SRRM4: variants seen among roughly 807,000 people sequenced by gnomAD.
SRRM4 encodes serine/arginine repetitive matrix 4, also known as serine/arginine repetitive matrix protein 4.
In SRRM4, 33 loss-of-function variants were observed where a neutral mutation model predicts 68.9. The ratio of observed to expected loss-of-function variants is 0.48; its 90% CI spans 0.36 to 0.64. The LOEUF (loss-of-function observed/expected upper bound fraction) is 0.64, where lower values mean the gene tolerates loss of function less well. Among genes scored for constraint, SRRM4 ranks in the 30% least tolerant of loss-of-function variants. The pLI, the probability that SRRM4 is intolerant of heterozygous loss-of-function variation, is 0.00. For synonymous variants in SRRM4, 318 were observed against 318.8 expected (o/e 1.00, Z 0.03); for missense variants, 817 against 827.1 (o/e 0.99, Z 0.15).
At chr12:119,149,061 C>A (rs572566371) in intron 9 of SRRM4, among the ~76,000 whole-genome samples, 34 of 152,266 alleles carry the variant, frequency 2.2e-4, no homozygotes, top group Admixed American at 2.0e-4. Flanking sequence ...GTAATAATAG[C>A]ATTGGCAGCT....
chr12:119,019,023 C>T (rs542579360), intron 1 of SRRM4, among the ~76,000 whole-genome samples: 8 of 152,250 alleles, frequency 5.3e-5, no homozygotes, highest in Non-Finnish European at 8.8e-5. Context: ...AGGGAACTTT[C>T]CCAGAACTGA....
intron 6 of SRRM4, among the ~76,000 whole-genome samples, chr12:119,124,981 T>C (rs1051345162): frequency 2.0e-5 from 3 of 152,226 alleles, no homozygotes; most frequent in African/African-American, 4.8e-5. Flanking sequence ...GTTGATATTA[T>C]GTTAGTGCTG....
At chr12:119,052,710 A>T (rs548074400) in intron 1 of SRRM4, among the ~76,000 whole-genome samples, 286 of 152,052 alleles carry the variant, frequency 1.9e-3, no homozygotes, top group African/African-American at 6.3e-3. Context: ...TTGTATTTTT[A>T]GTAGAGATGG....
At chr12:118,992,729 AG>A (rs1007104138) in intron 1 of SRRM4, among the ~76,000 whole-genome samples, 3 of 152,166 alleles carry the variant, frequency 2.0e-5, no homozygotes, top group African/African-American at 7.2e-5. Context: ...TCAGGATGAG[AG>A]GGCAGCCAGG....
chr12:119,124,154 G>A (rs1223940090), intron 6 of SRRM4: 1 of 152,178 alleles, frequency 6.6e-6, no homozygotes, highest in African/African-American at 2.4e-5. Context: ...AGAATACAGT[G>A]CCTGGCATGA....
chr12:119,060,727 T>A (rs1241721830), intron 1 of SRRM4, among the ~76,000 whole-genome samples: 1 of 152,076 alleles, frequency 6.6e-6, no homozygotes, highest in East Asian at 1.9e-4. Flanking sequence ...ATTTCTCTCA[T>A]ATGCTGGATC....
At chr12:119,155,901 T>A (rs55639526) in intron 12 of SRRM4, among the ~76,000 whole-genome samples, 18,782 of 152,208 alleles carry the variant, frequency 0.12, 1,374 homozygotes, top group Middle Eastern at 0.19. Flanking sequence ...AGAGGAAAGC[T>A]AAGATAGAGA....
intron 1 of SRRM4, among the ~76,000 whole-genome samples, chr12:118,997,875 T>C (rs1953359243): frequency 6.6e-6 from 1 of 152,018 alleles, no homozygotes; most frequent in Non-Finnish European, 1.5e-5. Flanking sequence ...ATGTGCCTTC[T>C]TCAAGGTGAC....
intron 1 of SRRM4, among the ~76,000 whole-genome samples, chr12:119,045,004 C>T (rs191792676): frequency 6.6e-6 from 1 of 152,286 alleles, no homozygotes; most frequent in East Asian, 1.9e-4. Flanking sequence ...TAATTCCTAC[C>T]TCATTGGATT....
rs75405581 is a variant in SRRM4 at position 119,078,245 on chromosome 12, G to A, written c.132-23991G>A. Among the ~76,000 whole-genome samples, 351 of 152,254 alleles carry A rather than the reference G, an allele frequency of 2.3e-3. 2 individuals carry two copies. Among genetic ancestry groups the A allele is most frequent in the African/African-American group, 8.0e-3 (333 of 41,540 alleles). On this transcript the variant is annotated intron_variant, in intron 1 of 12. Transcript: ENST00000267260. ...GACTCTATTCAACCCTTATGTCCTG[G>A]TATTATAAGCATCCATTTGCCCACT...
intron 7 of SRRM4, among the ~76,000 whole-genome samples, chr12:119,130,439 A>G (rs1187612254): frequency 6.7e-6 from 1 of 148,228 alleles, no homozygotes; most frequent in African/African-American, 2.5e-5. Context: ...GGATGGATGG[A>G]TGGATGGTTA....
intron 8 of SRRM4, among the ~76,000 whole-genome samples, chr12:119,136,639 CA>C (rs1288988901): frequency 2.6e-5 from 4 of 152,084 alleles, no homozygotes; most frequent in African/African-American, 4.8e-5. Flanking sequence ...AATGAGTCTT[CA>C]AATCGAAAGT....
At chr12:119,023,846 G>A (rs184284084) in intron 1 of SRRM4, among the ~76,000 whole-genome samples, 140 of 152,068 alleles carry the variant, frequency 9.2e-4, no homozygotes, top group Middle Eastern at 3.4e-3. Flanking sequence ...TGCTCAATAC[G>A]TATTCCAATA....
chr12:119,094,098 TAA>T (rs1486474580), intron 1 of SRRM4, among the ~76,000 whole-genome samples: 3 of 152,262 alleles, frequency 2.0e-5, no homozygotes, highest in African/African-American at 7.2e-5. Flanking sequence ...TATTGATATA[TAA>T]GAGTGTTTAC....
chr12:119,090,717 C>A (rs1954009501), intron 1 of SRRM4, among the ~76,000 whole-genome samples: 1 of 152,182 alleles, frequency 6.6e-6, no homozygotes, highest in Non-Finnish European at 1.5e-5. Flanking sequence ...CACCAAGTGT[C>A]CCTGAGTGTA....
chr12:119,022,665 A>T (rs892675183), intron 1 of SRRM4, among the ~76,000 whole-genome samples: 3 of 152,256 alleles, frequency 2.0e-5, no homozygotes, highest in Non-Finnish European at 4.4e-5. Context: ...ACATGGTCAC[A>T]TATATCTCAG....
intron 1 of SRRM4, among the ~76,000 whole-genome samples, chr12:119,053,624 A>G (rs910000903): frequency 2.0e-5 from 3 of 152,352 alleles, no homozygotes; most frequent in African/African-American, 7.2e-5. Flanking sequence ...GTAGGGACTC[A>G]ACAAGTGGAA....
chr12:119,150,979 T>C (rs1954435135), intron 9 of SRRM4, 38 bp from the exon 10 acceptor site: 3 of 1,595,098 alleles, frequency 1.9e-6, no homozygotes, highest in Non-Finnish European at 2.6e-6. Context: ...CCCAGAGTAG[T>C]GGGCAGTCGG....
chr12:119,107,098 A>G (rs1954112278), intron 2 of SRRM4, among the ~76,000 whole-genome samples: 1 of 152,198 alleles, frequency 6.6e-6, no homozygotes, highest in Non-Finnish European at 1.5e-5. Context: ...TTCTATTTAT[A>G]TGATGGATTA....
Sources: allele counts gnomAD v4.1 joint callset (sites outside exome capture counted in the v4.1 genomes callset), GRCh38; gene constraint gnomAD v4.1.1; transcripts MANE v1.5; gene names NCBI Gene and HGNC (gene_info 2026-07-23, HGNC 2026-07-21).